Variants in TEX26 observed in about 807,000 individuals in gnomAD.
The protein encoded by TEX26 is testis-expressed protein 26.
Under a neutral mutation model 35.3 loss-of-function variants are expected in TEX26, and 34 were observed. The observed-to-expected ratio is 0.96, with a 90% CI of 0.73 to 1.28. The LOEUF (loss-of-function observed/expected upper bound fraction) is 1.28. Ranked by LOEUF, TEX26 falls within the 50% of genes most tolerant of loss-of-function variation. The pLI is 0.00. For synonymous variants in TEX26, 136 were observed against 111.8 expected, an observed-to-expected ratio of 1.22 and a Z score of -1.36; for missense variants, 371 against 330.1, an observed-to-expected ratio of 1.12 and a Z score of -0.96.
chr13:30,957,086 A>G, intron 4 of TEX26, 57 bp downstream of exon 4: 1 of 1,548,954 alleles, frequency 6.5e-7, no homozygotes, highest in Non-Finnish European at 8.8e-7. Context: ...CTGGAGTTGC[A>G]GTGGTCGGCA....
intron 2 of TEX26, among the ~76,000 whole-genome samples, chr13:30,947,578 C>T (rs1953758492): frequency 6.6e-6 from 1 of 152,080 alleles, no homozygotes; most frequent in Admixed American, 6.6e-5. Context: ...GAGTTATTCC[C>T]TGTCTCAGTT....
chr13:30,951,826 C>G (rs1236156498), intron 2 of TEX26, among the ~76,000 whole-genome samples: 1 of 151,618 alleles, frequency 6.6e-6, no homozygotes, highest in Non-Finnish European at 1.5e-5. Context: ...CTCCAATTGT[C>G]TCATAACTTT....
intron 2 of TEX26, among the ~76,000 whole-genome samples, chr13:30,946,277 G>A (rs931869085): frequency 8.6e-5 from 13 of 151,784 alleles, no homozygotes; most frequent in Non-Finnish European, 1.5e-4. Flanking sequence ...CCCTAAATGT[G>A]TCTTTCATTT....
intron 1 of TEX26, among the ~76,000 whole-genome samples, chr13:30,934,252 C>G (rs1172450801): frequency 6.6e-6 from 1 of 152,198 alleles, no homozygotes; most frequent in Non-Finnish European, 1.5e-5. Flanking sequence ...TACCTCCAGG[C>G]TTGGGCCTCT....
intron 2 of TEX26, among the ~76,000 whole-genome samples, chr13:30,947,911 C>T (rs1044982187): frequency 6.6e-6 from 1 of 151,844 alleles, no homozygotes; most frequent in Non-Finnish European, 1.5e-5. Context: ...CACAACTGTC[C>T]CTGGTGTGTG....
At chr13:30,952,900 T>C (rs1953985150) in intron 3 of TEX26, 75 bp downstream of exon 3, 1 of 1,310,604 alleles carries the variant, frequency 7.6e-7, no homozygotes, top group Non-Finnish European at 1.1e-6. Flanking sequence ...AGAGTTTAAA[T>C]ATGTCACAAA....
intron 4 of TEX26, among the ~76,000 whole-genome samples, chr13:30,957,888 G>A (rs1281757544): frequency 6.6e-6 from 1 of 152,260 alleles, no homozygotes; most frequent in Non-Finnish European, 1.5e-5. Flanking sequence ...AGATACGGGA[G>A]TAATAGGAGT....
intron 2 of TEX26, among the ~76,000 whole-genome samples, chr13:30,943,761 A>G (rs1481699278): frequency 2.0e-5 from 3 of 152,072 alleles, no homozygotes; most frequent in Non-Finnish European, 4.4e-5. Context: ...TATGTGATAT[A>G]TCATATTTGA....
chr13:30,974,131 A>AAAAAAAAAAATAT, intron 6 of TEX26, among the ~76,000 whole-genome samples: 4 of 84,430 alleles, frequency 4.7e-5, no homozygotes, highest in African/African-American at 1.9e-4. Context: ...AAAAAAAAAA[A>AAAAAAAAAAATAT]ATATATATAT....
chr13:30,969,895 T>C (rs1399018268), intron 6 of TEX26, among the ~76,000 whole-genome samples: 2 of 152,214 alleles, frequency 1.3e-5, no homozygotes, highest in Non-Finnish European at 2.9e-5. Context: ...GATCATTTTC[T>C]GTACCCCATT....
intron 1 of TEX26, chr13:30,936,592 T>C (rs555571332): frequency 2.6e-6 from 2 of 769,148 alleles, no homozygotes; most frequent in Non-Finnish European, 1.6e-6. Flanking sequence ...CTGTGACACA[T>C]AGGACATCAG....
chr13:30,934,842 T>G (rs1354239689), intron 1 of TEX26, among the ~76,000 whole-genome samples: 1 of 152,182 alleles, frequency 6.6e-6, no homozygotes, highest in Non-Finnish European at 1.5e-5. Flanking sequence ...CCACCCAAAC[T>G]GCGGCTGTGG....
intron 5 of TEX26, among the ~76,000 whole-genome samples, chr13:30,968,581 C>A (rs2138340022): frequency 6.6e-6 from 1 of 152,252 alleles, no homozygotes; most frequent in South Asian, 2.1e-4. Context: ...CACTGACCTG[C>A]ATAAGAGTCA....
At chr13:30,940,658 T>G (rs1399096422) in intron 2 of TEX26, among the ~76,000 whole-genome samples, 1 of 152,142 alleles carries the variant, frequency 6.6e-6, no homozygotes. Context: ...ACTGTGTCAC[T>G]GGTAGGTATG....
chr13:30,957,008 G>C lies in TEX26; in HGVS notation c.448G>C (p.Asp150His). The change falls in exon 4 of 7, where the codon GAC (aspartate) becomes CAC (histidine). Residue 150 changes from aspartate to histidine, a missense_variant. Transcript: ENST00000380473. ...TCAGTTTATTTCCCTTACTAAGAGA[G>C]ACTTTGTGGACAGATCAAAAGGTAA... ...SNQFISLTKR[D>H]FVDRSKAQKI... 1.2e-6 allele frequency: 2 copies of C among 1,614,120 alleles called. No homozygotes were observed. The highest frequency in any genetic ancestry group is 1.7e-6 in the Non-Finnish European group (2 of 1,180,026).
intron 4 of TEX26, among the ~76,000 whole-genome samples, chr13:30,965,054 G>T (rs1016443439): frequency 2.0e-5 from 3 of 152,046 alleles, no homozygotes; most frequent in Admixed American, 6.5e-5. Context: ...ATCTTAAGGG[G>T]TGCCCTGATT....
In TEX26 at chr13:30,966,183, A is replaced by T. The variant is rs769215882; in HGVS notation, c.470-39A>T. 8 of 1,611,812 alleles carry T rather than the reference A, an allele frequency of 5.0e-6. No individual in the cohort carries two copies. In the Admixed American group the frequency reaches 1.3e-4, roughly 27 times the overall value. On this transcript the variant is annotated intron_variant, in intron 4 of 6. Transcript: ENST00000380473. ...GAGTGGGTTTAGCTACTTTGTTCAC[A>T]AGGAGTAAGTATTGCCTTCCATTTC...
At chr13:30,948,236 A>G (rs918613406) in intron 2 of TEX26, among the ~76,000 whole-genome samples, 1 of 152,130 alleles carries the variant, frequency 6.6e-6, no homozygotes, top group Admixed American at 6.6e-5. Flanking sequence ...ATGATTTACA[A>G]TCCTTTGGGT....
Position 30,975,039 on chromosome 13 carries a change from T to C in TEX26, c.*132T>C. ...CAAGTATGATGTGATAGTCATGAAT[T>C]TGTGTCTTTTGCTCCGCTTTATTTT... On this transcript the variant is annotated 3_prime_UTR_variant, in exon 7 of 7. Coordinates refer to ENST00000380473, the MANE Select transcript of TEX26 (RefSeq NM_152325.3). The C allele has an allele frequency of 1.7e-6, 1 of 592,524 alleles. No individual in the cohort carries two copies. Among genetic ancestry groups the C allele is most frequent in the Non-Finnish European group, 2.8e-6 (1 of 363,088 alleles). The allele number at this position is 592,524 out of a possible 1,614,324, so 36.7% of individuals were successfully genotyped here.
Sources: allele counts gnomAD v4.1 joint callset (sites outside exome capture counted in the v4.1 genomes callset), GRCh38; gene constraint gnomAD v4.1.1; transcripts MANE v1.5; gene names NCBI Gene and HGNC (gene_info 2026-07-23, HGNC 2026-07-21).